The following ROBO1 variants were observed in gnomAD, a reference collection of about 807,000 sequenced individuals.
ROBO1 encodes the protein roundabout guidance receptor 1.
In ROBO1, 149 loss-of-function variants were observed where a neutral mutation model predicts 195.9. That is an observed-to-expected ratio of 0.76 (90% confidence interval 0.67 to 0.87). ROBO1 has a LOEUF of 0.87. ROBO1 is among the 40% of genes least tolerant of loss of function. ROBO1 has a pLI of 0.00. For missense variants in ROBO1, 1,933 were observed against 2,068.3 expected (o/e 0.93, Z 1.27); for synonymous variants, 816 against 733.2 (o/e 1.11, Z -1.82).
chr3:79,567,779 A>T (rs1943138472), intron 2 of ROBO1, among the ~76,000 whole-genome samples: 1 of 152,088 alleles, frequency 6.6e-6, no homozygotes. Context: ...GTTCTCCCTT[A>T]ATTTAAATTA....
In ROBO1 at chr3:78,644,647, C is replaced by G. The variant is rs939349941; in HGVS notation, c.2882+1501G>C. Among the ~76,000 whole-genome samples the G allele has an allele frequency of 1.1e-4, 16 of 152,104 alleles. No individual in the cohort carries two copies. In the East Asian group the frequency reaches 3.1e-3, roughly 29 times the overall value. Reference sequence around the variant, plus strand: ...GATATAGTGAGCTTTCCAAATAGCTCAGGAACTTTGTAATTTTTCCATCCT... The same window carrying G: ...GATATAGTGAGCTTTCCAAATAGCTGAGGAACTTTGTAATTTTTCCATCCT... On this transcript the variant is annotated intron_variant, in intron 21 of 30. Coordinates refer to ENST00000464233, the MANE Select transcript of ROBO1 (RefSeq NM_002941.4).
chr3:79,419,936 A>G (rs912965891), intron 2 of ROBO1, among the ~76,000 whole-genome samples: 1 of 152,134 alleles, frequency 6.6e-6, no homozygotes, highest in African/African-American at 2.4e-5. Flanking sequence ...TACGATATAC[A>G]ATGTCCCTAG....
intron 2 of ROBO1, among the ~76,000 whole-genome samples, chr3:79,291,487 C>T (rs564627441): frequency 5.9e-5 from 9 of 152,236 alleles, no homozygotes; most frequent in Admixed American, 1.3e-4. Flanking sequence ...TTTTTCATTG[C>T]TCTCCCAAAA....
chr3:79,433,512 C>T (rs1453179385), intron 2 of ROBO1, among the ~76,000 whole-genome samples: 3 of 152,054 alleles, frequency 2.0e-5, no homozygotes, highest in African/African-American at 4.8e-5. Context: ...AATCCTTCTG[C>T]CTCAGCCTAA....
At chr3:79,588,350 C>A (rs1333206687) in intron 2 of ROBO1, among the ~76,000 whole-genome samples, 1 of 151,638 alleles carries the variant, frequency 6.6e-6, no homozygotes, top group Non-Finnish European at 1.5e-5. Context: ...TGCATTCCTT[C>A]TTCCACTAGA....
intron 8 of ROBO1, among the ~76,000 whole-genome samples, chr3:78,711,720 CTCAGG>C (rs370071777): frequency 1.3e-5 from 2 of 150,602 alleles, no homozygotes; most frequent in Non-Finnish European, 3.0e-5. Flanking sequence ...AACTCCGTAC[CTCAGG>C]TGATCTGACC....
intron 2 of ROBO1, among the ~76,000 whole-genome samples, chr3:79,557,753 T>C (rs1375694741): frequency 1.4e-5 from 2 of 143,196 alleles, no homozygotes; most frequent in Admixed American, 1.4e-4. Context: ...AATATATATA[T>C]ATATATATAT....
chr3:79,337,706 T>C (rs1172646211), intron 2 of ROBO1, among the ~76,000 whole-genome samples: 1 of 152,156 alleles, frequency 6.6e-6, no homozygotes, highest in East Asian at 1.9e-4. Flanking sequence ...TTTAGAAAAA[T>C]ATTTATTTAA....
At chr3:79,217,013 TTAATG>T (rs2082066120) in intron 2 of ROBO1, among the ~76,000 whole-genome samples, 1 of 152,114 alleles carries the variant, frequency 6.6e-6, no homozygotes, top group African/African-American at 2.4e-5. Context: ...TAATAAATTA[TTAATG>T]TAATGTAGAC....
chr3:78,633,547 A>C (rs1705308017), intron 24 of ROBO1, among the ~76,000 whole-genome samples: 1 of 152,192 alleles, frequency 6.6e-6, no homozygotes, highest in Non-Finnish European at 1.5e-5. Flanking sequence ...AAGTGTCCTC[A>C]AACATTATGT....
chr3:79,006,836 G>C (rs566369596), intron 3 of ROBO1, among the ~76,000 whole-genome samples: 1 of 151,254 alleles, frequency 6.6e-6, no homozygotes, highest in African/African-American at 2.4e-5. Context: ...AGATGGTTCA[G>C]TGGGAAATAA....
chr3:78,687,305 C>T (rs2081073428), intron 9 of ROBO1, among the ~76,000 whole-genome samples: 1 of 152,068 alleles, frequency 6.6e-6, no homozygotes, highest in Non-Finnish European at 1.5e-5. Flanking sequence ...AATTTGCTGT[C>T]AGCAAATTTA....
At chr3:79,125,281 G>A (rs759292708) in intron 3 of ROBO1, among the ~76,000 whole-genome samples, 175 bp downstream of exon 3, 1 of 152,124 alleles carries the variant, frequency 6.6e-6, no homozygotes, top group Non-Finnish European at 1.5e-5. Context: ...GTTCTTAAAA[G>A]TGTTTACTTT....
At chr3:79,762,179 C>A (rs1484710967) in intron 1 of ROBO1, among the ~76,000 whole-genome samples, 1 of 152,012 alleles carries the variant, frequency 6.6e-6, no homozygotes, top group Non-Finnish European at 1.5e-5. Context: ...TATCAAGGCG[C>A]TGGAAGATTT....
intron 1 of ROBO1, among the ~76,000 whole-genome samples, chr3:79,747,893 G>C (rs566540763): frequency 1.3e-5 from 2 of 151,642 alleles, no homozygotes; most frequent in Non-Finnish European, 2.9e-5. Context: ...ACAAAAACAA[G>C]AAAAAAGAAA....
chr3:79,402,137 T>C (rs1252378236), intron 2 of ROBO1, among the ~76,000 whole-genome samples: 1 of 151,960 alleles, frequency 6.6e-6, no homozygotes, highest in Non-Finnish European at 1.5e-5. Context: ...GCACTTATCA[T>C]GGTATCATAT....
At chr3:79,409,646 C>T (rs1483222131) in intron 2 of ROBO1, among the ~76,000 whole-genome samples, 4 of 152,040 alleles carry the variant, frequency 2.6e-5, no homozygotes, top group Non-Finnish European at 5.9e-5. Flanking sequence ...AAGGTCTGCA[C>T]CCATGACTCA....
chr3:79,718,012 A>G (rs1170832018), intron 1 of ROBO1, among the ~76,000 whole-genome samples: 1 of 152,040 alleles, frequency 6.6e-6, no homozygotes, highest in Non-Finnish European at 1.5e-5. Context: ...CAAAGGAACA[A>G]AGGAAAAAAT....
At chr3:79,082,237 A>G (rs2079287059) in intron 3 of ROBO1, among the ~76,000 whole-genome samples, 1 of 152,190 alleles carries the variant, frequency 6.6e-6, no homozygotes. Context: ...CAGCAATCCT[A>G]TTCCTGGCTT....
Sources: allele counts gnomAD v4.1 joint callset (sites outside exome capture counted in the v4.1 genomes callset), GRCh38; gene constraint gnomAD v4.1.1; transcripts MANE v1.5; gene names NCBI Gene and HGNC (gene_info 2026-07-23, HGNC 2026-07-21).